MAF: variants seen among roughly 807,000 people sequenced by gnomAD.
MAF encodes transcription factor Maf.
In MAF, 10 loss-of-function variants were observed where a neutral mutation model predicts 22.0. The observed-to-expected ratio is 0.45, with a 90% CI of 0.28 to 0.77. The LOEUF (loss-of-function observed/expected upper bound fraction) is 0.77. Ranked by LOEUF, MAF falls within the 30% of genes least tolerant of loss-of-function variation. The pLI is 0.12. For synonymous variants in MAF, 337 were observed against 255.8 expected, an observed-to-expected ratio of 1.32 and a Z score of -3.03; for missense variants, 544 against 548.4, an observed-to-expected ratio of 0.99 and a Z score of 0.08.
At chr16:79,276,149 A>AAAAGAAAG in the MAF span, among the ~76,000 whole-genome samples, 7 of 150,062 alleles carry the variant, frequency 4.7e-5, no homozygotes, top group African/African-American at 1.5e-4. Context: ...CAAAGAAAAA[A>AAAAGAAAG]AAAGAAAGAA....
chr16:79,346,562 T>C, the MAF span, among the ~76,000 whole-genome samples: 1 of 152,220 alleles, frequency 6.6e-6, no homozygotes, highest in African/African-American at 2.4e-5. Flanking sequence ...AAGGCATTAG[T>C]CTTCAACCTC....
At chr16:79,546,368 T>C in the MAF span, among the ~76,000 whole-genome samples, 1 of 152,136 alleles carries the variant, frequency 6.6e-6, no homozygotes, top group African/African-American at 2.4e-5. Context: ...AACTTTCCAG[T>C]CATATAACCT....
the MAF span, among the ~76,000 whole-genome samples, chr16:79,517,260 A>G: frequency 6.6e-6 from 1 of 152,240 alleles, no homozygotes; most frequent in Non-Finnish European, 1.5e-5. Flanking sequence ...ACCTGGCTTC[A>G]GCCTAGCAGC....
At chr16:79,384,451 G>GA in the MAF span, among the ~76,000 whole-genome samples, 23,235 of 109,846 alleles carry the variant, frequency 0.21, 4,019 homozygotes, top group African/African-American at 0.49. Flanking sequence ...GTCTCAAAAA[G>GA]AAAAAAAAAA....
the MAF span, among the ~76,000 whole-genome samples, chr16:79,246,868 C>G: frequency 1.3e-5 from 2 of 151,760 alleles, no homozygotes; most frequent in African/African-American, 4.9e-5. Context: ...AATAATTTTC[C>G]ATCTACCTTT....
At chr16:79,559,770 C>G in the MAF span, among the ~76,000 whole-genome samples, 1 of 152,182 alleles carries the variant, frequency 6.6e-6, no homozygotes, top group Non-Finnish European at 1.5e-5. Flanking sequence ...TTTCCCTCCT[C>G]TTGATTCTAT....
chr16:79,369,015 G>A, the MAF span, among the ~76,000 whole-genome samples: 5 of 152,306 alleles, frequency 3.3e-5, no homozygotes, highest in African/African-American at 7.2e-5. Flanking sequence ...ATGTCTATCC[G>A]CTTTGTTCTT....
chr16:79,284,537 C>G, the MAF span, among the ~76,000 whole-genome samples: 1 of 152,206 alleles, frequency 6.6e-6, no homozygotes, highest in Non-Finnish European at 1.5e-5. Flanking sequence ...AGAGATATTT[C>G]TAGTTCGGCA....
At chr16:79,462,723 G>A in the MAF span, among the ~76,000 whole-genome samples, 2 of 152,146 alleles carry the variant, frequency 1.3e-5, no homozygotes, top group Non-Finnish European at 2.9e-5. Context: ...TTCCTCTTGT[G>A]ACCCATGCTC....
chr16:79,275,078 G>A, the MAF span, among the ~76,000 whole-genome samples: 10 of 152,308 alleles, frequency 6.6e-5, no homozygotes, highest in Non-Finnish European at 1.0e-4. Flanking sequence ...AATAGAGGCC[G>A]GGTGTGGTGG....
At chr16:79,569,845 T>G in the MAF span, among the ~76,000 whole-genome samples, 1 of 152,140 alleles carries the variant, frequency 6.6e-6, no homozygotes, top group African/African-American at 2.4e-5. Flanking sequence ...TCCCCGGCTC[T>G]TAGGGAGGCA....
At chr16:79,252,593 G>T in the MAF span, among the ~76,000 whole-genome samples, 2 of 152,006 alleles carry the variant, frequency 1.3e-5, no homozygotes, top group Non-Finnish European at 2.9e-5. Flanking sequence ...GGGTTCAAGC[G>T]ATTCTCCTGC....
At chr16:79,436,903 T>A in the MAF span, among the ~76,000 whole-genome samples, 41 of 152,340 alleles carry the variant, frequency 2.7e-4, no homozygotes, top group Non-Finnish European at 4.7e-4. Flanking sequence ...GGCTTTTGAC[T>A]GTCTTGGGCA....
At chr16:79,570,957 T>G in the MAF span, among the ~76,000 whole-genome samples, 1 of 152,108 alleles carries the variant, frequency 6.6e-6, no homozygotes, top group East Asian at 1.9e-4. Flanking sequence ...GTATAAGAAT[T>G]CCATCAGATC....
At chr16:79,341,225 G>A in the MAF span, among the ~76,000 whole-genome samples, 4 of 152,362 alleles carry the variant, frequency 2.6e-5, no homozygotes, top group South Asian at 8.3e-4. Flanking sequence ...GAGAGACAAT[G>A]TAGTGTGGGT....
chr16:79,213,112 A>C, the MAF span, among the ~76,000 whole-genome samples: 95,082 of 151,936 alleles, frequency 0.63, 30,580 homozygotes, highest in Non-Finnish European at 0.69. Context: ...GGACACCATG[A>C]TTTCCAGCCC....
At chr16:79,578,915 G>T in the MAF span, among the ~76,000 whole-genome samples, 1 of 152,064 alleles carries the variant, frequency 6.6e-6, no homozygotes, top group East Asian at 1.9e-4. Flanking sequence ...ATACAGCAGA[G>T]TCCCCCTAGT....
the MAF span, among the ~76,000 whole-genome samples, chr16:79,443,751 G>A: frequency 1.3e-5 from 2 of 152,312 alleles, no homozygotes; most frequent in African/African-American, 4.8e-5. Context: ...CCTGGATGAT[G>A]TATTTCACTT....
At chr16:79,220,019 G>A in the MAF span, among the ~76,000 whole-genome samples, 8 of 151,954 alleles carry the variant, frequency 5.3e-5, no homozygotes, top group Non-Finnish European at 1.0e-4. Context: ...TCTTTGGGAT[G>A]CCAAGGTGGG....
Sources: gnomAD v4.1 joint callset for allele counts (sites outside exome capture counted in the v4.1 genomes callset) on GRCh38, gnomAD v4.1.1 for gene constraint, MANE v1.5 for transcripts, NCBI Gene and HGNC (gene_info 2026-07-23, HGNC 2026-07-21) for gene names.